Variants in COL4A2 observed in about 807,000 individuals in gnomAD.
The protein encoded by COL4A2 is collagen type IV alpha 2 chain.
Under a neutral mutation model 200.2 loss-of-function variants are expected in COL4A2, and 99 were observed. The ratio of observed to expected loss-of-function variants is 0.49; its 90% CI spans 0.42 to 0.58. The LOEUF (loss-of-function observed/expected upper bound fraction) is 0.58, where lower values mean the gene tolerates loss of function less well. COL4A2 is among the 20% of genes least tolerant of loss of function. COL4A2 has a pLI of 0.00. For synonymous variants in COL4A2, 897 were observed against 900.6 expected (o/e 1.00, Z 0.07); for missense variants, 1,950 against 2,314.1 (o/e 0.84, Z 3.23).
chr13:110,456,591 A>T, intron 20 of COL4A2: 1 of 366,242 alleles, frequency 2.7e-6, no homozygotes, highest in Non-Finnish European at 5.4e-6. Flanking sequence ...CCTGAAGGCT[A>T]TCGCCACAAA....
chr13:110,418,255 T>C (rs758269749), intron 4 of COL4A2, among the ~76,000 whole-genome samples: 1 of 152,236 alleles, frequency 6.6e-6, no homozygotes, highest in Non-Finnish European at 1.5e-5. Flanking sequence ...GAGAGTTCTT[T>C]ATATGTTCCG....
chr13:110,463,398 T>C (rs556492697), intron 24 of COL4A2: 1 of 152,172 alleles, frequency 6.6e-6, no homozygotes, highest in Admixed American at 6.5e-5. Flanking sequence ...TATTTCCAAA[T>C]AAGGTCACAT....
chr13:110,350,678 AC>A (rs1876917795), intron 3 of COL4A2, among the ~76,000 whole-genome samples: 2 of 152,180 alleles, frequency 1.3e-5, no homozygotes, highest in Admixed American at 6.5e-5. Flanking sequence ...CCATCCGACC[AC>A]CTAGTGTAGG....
chr13:110,509,688 A>T (rs1884022177), intron 47 of COL4A2, among the ~76,000 whole-genome samples: 1 of 152,158 alleles, frequency 6.6e-6, no homozygotes, highest in South Asian at 2.1e-4. Flanking sequence ...TTCCATTAGC[A>T]TCAGGTTTCA....
At chr13:110,472,138 T>C (rs1221420367) in intron 28 of COL4A2, among the ~76,000 whole-genome samples, 5 of 107,830 alleles carry the variant, frequency 4.6e-5, no homozygotes, top group Non-Finnish European at 1.0e-4. Context: ...TCTTTTGAGA[T>C]GGAATCTCAC....
intron 3 of COL4A2, among the ~76,000 whole-genome samples, chr13:110,319,802 C>T (rs1464752024): frequency 6.6e-6 from 1 of 152,206 alleles, no homozygotes; most frequent in African/African-American, 2.4e-5. Flanking sequence ...CTGTTCCCGC[C>T]AGATTTCAGC....
chr13:110,402,048 T>C (rs987468454), intron 4 of COL4A2, among the ~76,000 whole-genome samples: 1 of 152,218 alleles, frequency 6.6e-6, no homozygotes, highest in African/African-American at 2.4e-5. Context: ...ATTCAGTCCG[T>C]AACATTTCAC....
chr13:110,386,174 T>C (rs1329820382), intron 4 of COL4A2, among the ~76,000 whole-genome samples: 1 of 152,210 alleles, frequency 6.6e-6, no homozygotes, highest in African/African-American at 2.4e-5. Context: ...CGTGGTTACA[T>C]TGTGTGACTA....
At chr13:110,408,545 G>A (rs1010144824) in intron 4 of COL4A2, among the ~76,000 whole-genome samples, 1 of 152,204 alleles carries the variant, frequency 6.6e-6, no homozygotes, top group Non-Finnish European at 1.5e-5. Context: ...CCACTGCAGT[G>A]TATCCAAAGT....
chr13:110,410,433 G>T (rs1879787100), intron 4 of COL4A2, among the ~76,000 whole-genome samples: 1 of 152,200 alleles, frequency 6.6e-6, no homozygotes, highest in African/African-American at 2.4e-5. Context: ...GACTCATTCT[G>T]TTCTTGGACA....
At chr13:110,381,351 G>A (rs528658280) in intron 4 of COL4A2, among the ~76,000 whole-genome samples, 11 of 152,336 alleles carry the variant, frequency 7.2e-5, no homozygotes, top group African/African-American at 2.6e-4. Context: ...CAGCACTCTG[G>A]CGTCCCCTTT....
Position 110,508,034 on chromosome 13 carries a change from A to G in COL4A2, c.4694A>G (p.Tyr1565Cys), listed in dbSNP as rs768286758. ...CYYASRNDKS[Y>C]WLSTTAPLPM... ...TATGCCAGCCGGAACGACAAGTCCT[A>G]CTGGCTCTCTACCACTGCGCCGCTG... The change falls in exon 47 of 48, where the codon TAC becomes TGC. Residue 1565 changes from tyrosine (Y) to cysteine (C), a missense_variant. Physicochemically the swap from Tyr to Cys is radical, Grantham distance 194 (BLOSUM62 -2). Transcript: ENST00000360467. This position sits in a 1 kb window ranked among gnomAD's most constrained non-coding sequence, Gnocchi z 6.1. 3 of 1,614,206 alleles carry G rather than the reference A, an allele frequency of 1.9e-6. No individual in the cohort carries two copies. The highest frequency in any genetic ancestry group is 2.5e-6 in the Non-Finnish European group (3 of 1,180,028).
At chr13:110,468,382 C>T (rs1421329248) in intron 27 of COL4A2, 1 of 465,398 alleles carries the variant, frequency 2.1e-6, no homozygotes, top group Admixed American at 2.4e-5. Flanking sequence ...ATGGTGACAA[C>T]TCTGCATGTC....
chr13:110,467,235 T>A, intron 27 of COL4A2, 139 bp downstream of exon 27: 2 of 1,128,938 alleles, frequency 1.8e-6, no homozygotes, highest in Non-Finnish European at 2.5e-6. Context: ...CAGCACAAAC[T>A]GGTCTTGCGC....
At position 110,465,144 on chromosome 13, in the gene COL4A2, C is replaced by T. The variant is rs186907105; in HGVS notation, c.1777-261C>T. ...GCCCAGGCTGATGCAGGGGAGCTGG[C>T]GGGTGGGAAGAGAGAAATGCTCAAG... On this transcript the variant is annotated intron_variant, in intron 24 of 47. Transcript: ENST00000360467. Among the ~76,000 whole-genome samples, 439 of 152,288 alleles carry T rather than the reference C, an allele frequency of 2.9e-3. 2 individuals carry two copies. Among genetic ancestry groups the T allele is most frequent in the Middle Eastern group, 0.01 (3 of 294 alleles).
intron 21 of COL4A2, 22 bp from the exon 22 acceptor site, chr13:110,458,749 C>T: frequency 1.2e-6 from 2 of 1,613,440 alleles, no homozygotes; most frequent in Middle Eastern, 1.7e-4. Flanking sequence ...AACAAGGAGG[C>T]CCTCCTCTCC....
At chr13:110,462,084 G>A in intron 22 of COL4A2, 30 bp from the exon 23 acceptor site, 2 of 1,613,670 alleles carry the variant, frequency 1.2e-6, no homozygotes, top group Non-Finnish European at 8.5e-7. Flanking sequence ...GTACAAAGAA[G>A]GAAGATATTT....
chr13:110,491,080 T>C (rs1337263271), intron 36 of COL4A2, among the ~76,000 whole-genome samples, 153 bp from the exon 37 acceptor site: 1 of 151,842 alleles, frequency 6.6e-6, no homozygotes, highest in East Asian at 1.9e-4. Flanking sequence ...AGGAAGTAGG[T>C]TAAAAATCAG....
chr13:110,493,197 T>G lies in COL4A2; in HGVS notation c.3563-14T>G. On this transcript the variant is annotated splice_polypyrimidine_tract_variant and intron_variant, in intron 38 of 47. Coordinates refer to ENST00000360467, the MANE Select transcript of COL4A2 (RefSeq NM_001846.4). Reference sequence around the variant, plus strand: ...CGCAGGTGAAATAAATAACGATGAGTGACACCCCCGCAGGTTTTCCGGGAC... The same window carrying G: ...CGCAGGTGAAATAAATAACGATGAGGGACACCCCCGCAGGTTTTCCGGGAC... 1 of 1,613,730 alleles carries G rather than the reference T, an allele frequency of 6.2e-7. No homozygotes were observed.
Sources: allele counts gnomAD v4.1 joint callset (sites outside exome capture counted in the v4.1 genomes callset), GRCh38; gene constraint gnomAD v4.1.1; non-coding constraint Gnocchi (gnomAD v3.1); transcripts MANE v1.5; gene names NCBI Gene and HGNC (gene_info 2026-07-23, HGNC 2026-07-21).